Variants in WWOX observed in about 807,000 individuals in gnomAD.
WWOX encodes the protein WW domain containing oxidoreductase.
A neutral mutation model predicts 46.2 loss-of-function variants in WWOX; 69 were observed. The observed-to-expected ratio is 1.49, with a 90% CI of 1.23 to 1.82. The LOEUF is 1.82. Ranked by LOEUF, WWOX falls within the 40% of genes most tolerant of loss-of-function variation. WWOX has a pLI of 0.00. For missense variants in WWOX, 919 were observed against 542.6 expected, an observed-to-expected ratio of 1.69 and a Z score of -6.89; for synonymous variants, 359 against 202.6, an observed-to-expected ratio of 1.77 and a Z score of -6.56.
At chr16:79,135,999 G>A (rs944328704) in intron 8 of WWOX, among the ~76,000 whole-genome samples, 10 of 152,046 alleles carry the variant, frequency 6.6e-5, no homozygotes, top group South Asian at 2.1e-4. Flanking sequence ...AATGTTTGTC[G>A]TTTGTTTGCA....
intron 6 of WWOX, among the ~76,000 whole-genome samples, chr16:78,397,431 G>C (rs531965530): frequency 2.0e-5 from 3 of 152,280 alleles, no homozygotes; most frequent in African/African-American, 7.2e-5. Flanking sequence ...TAATGGTTCA[G>C]CCTGGTGCAA....
chr16:78,363,372 C>G (rs915977529), intron 5 of WWOX, among the ~76,000 whole-genome samples: 3 of 151,890 alleles, frequency 2.0e-5, no homozygotes, highest in Admixed American at 6.6e-5. Context: ...CTCCCAAGCT[C>G]CAGTGATTTT....
chr16:78,893,593 A>G (rs1052235338), intron 8 of WWOX, among the ~76,000 whole-genome samples: 1 of 151,874 alleles, frequency 6.6e-6, no homozygotes, highest in African/African-American at 2.4e-5. Context: ...TGCCATTTTA[A>G]TTTTTGCTTA....
intron 5 of WWOX, among the ~76,000 whole-genome samples, chr16:78,241,516 C>T (rs748379152): frequency 2.6e-5 from 4 of 152,098 alleles, no homozygotes; most frequent in Non-Finnish European, 5.9e-5. Flanking sequence ...GCAGACTCTT[C>T]CTCTTGAAGC....
At chr16:78,639,894 G>C (rs2046661828) in intron 8 of WWOX, among the ~76,000 whole-genome samples, 1 of 152,062 alleles carries the variant, frequency 6.6e-6, no homozygotes, top group South Asian at 2.1e-4. Context: ...AGGATGAAGA[G>C]TAATAGGAAG....
chr16:79,167,764 A>G (rs905301410), intron 8 of WWOX, among the ~76,000 whole-genome samples: 1 of 152,210 alleles, frequency 6.6e-6, no homozygotes, highest in African/African-American at 2.4e-5. Context: ...TTCACGTAAT[A>G]TACAGTTAAC....
intron 8 of WWOX, among the ~76,000 whole-genome samples, chr16:79,039,331 C>G (rs1345411053): frequency 6.6e-6 from 1 of 152,066 alleles, no homozygotes; most frequent in East Asian, 1.9e-4. Context: ...GCCAAGTCAC[C>G]TCATCTGTAA....
chr16:78,854,455 C>G (rs1026276072), intron 8 of WWOX, among the ~76,000 whole-genome samples: 1 of 152,214 alleles, frequency 6.6e-6, no homozygotes, highest in African/African-American at 2.4e-5. Context: ...ACATCAATAG[C>G]TTTCTAAAAT....
intron 8 of WWOX, among the ~76,000 whole-genome samples, chr16:79,158,301 A>G (rs1414328126): frequency 6.6e-6 from 1 of 152,252 alleles, no homozygotes; most frequent in Non-Finnish European, 1.5e-5. Context: ...AAAGACAGAG[A>G]AACAAGACTA....
intron 4 of WWOX, among the ~76,000 whole-genome samples, chr16:78,139,447 C>G (rs866973761): frequency 1.2e-4 from 18 of 152,274 alleles, no homozygotes; most frequent in Middle Eastern, 3.4e-3. Context: ...GGTTCAAGAC[C>G]AGCCTGGCCA....
intron 8 of WWOX, among the ~76,000 whole-genome samples, chr16:78,870,423 A>G (rs971809392): frequency 6.6e-5 from 10 of 152,082 alleles, no homozygotes; most frequent in African/African-American, 2.2e-4. Flanking sequence ...CCAAGCTTGA[A>G]TGACCTGCCA....
At chr16:78,750,480 A>G (rs1254263926) in intron 8 of WWOX, among the ~76,000 whole-genome samples, 1 of 152,122 alleles carries the variant, frequency 6.6e-6, no homozygotes, top group Admixed American at 6.5e-5. Flanking sequence ...GATTTATTTT[A>G]TTTTATTTTT....
chr16:79,012,496 A>C (rs1286252766), intron 8 of WWOX, among the ~76,000 whole-genome samples: 3 of 152,222 alleles, frequency 2.0e-5, no homozygotes, highest in South Asian at 2.1e-4. Context: ...TAGCCTCCTA[A>C]AGTACTGGGA....
At chr16:78,419,421 A>T (rs1198273879) in intron 6 of WWOX, among the ~76,000 whole-genome samples, 1 of 152,098 alleles carries the variant, frequency 6.6e-6, no homozygotes, top group African/African-American at 2.4e-5. Context: ...ACAGTGTCAT[A>T]TTGGCATAAG....
intron 5 of WWOX, among the ~76,000 whole-genome samples, chr16:78,381,697 G>C (rs1367013970): frequency 6.6e-6 from 1 of 152,214 alleles, no homozygotes; most frequent in African/African-American, 2.4e-5. Context: ...AGCATTTCAA[G>C]ATTCAGTGAT....
chr16:78,759,828 T>G (rs950326478), intron 8 of WWOX, among the ~76,000 whole-genome samples: 9 of 152,144 alleles, frequency 5.9e-5, no homozygotes, highest in African/African-American at 1.9e-4. Flanking sequence ...AAAATCAAAA[T>G]GTTGGCAGGC....
intron 5 of WWOX, among the ~76,000 whole-genome samples, chr16:78,230,223 T>C (rs182176183): frequency 6.6e-6 from 1 of 152,262 alleles, no homozygotes; most frequent in African/African-American, 2.4e-5. Context: ...TAATACGCAG[T>C]GCCAGGGAAG....
intron 8 of WWOX, among the ~76,000 whole-genome samples, chr16:78,537,430 A>T (rs1437189085): frequency 6.6e-6 from 1 of 152,234 alleles, no homozygotes; most frequent in Non-Finnish European, 1.5e-5. Context: ...CTGACTATAG[A>T]TGTTGAGCCC....
At chr16:78,571,321 G>T (rs1327812723) in intron 8 of WWOX, among the ~76,000 whole-genome samples, 2 of 152,170 alleles carry the variant, frequency 1.3e-5, no homozygotes, top group Non-Finnish European at 2.9e-5. Context: ...ACACTTGGGA[G>T]CCAAAATTCA....
Sources: gnomAD v4.1 joint callset for allele counts (sites outside exome capture counted in the v4.1 genomes callset) on GRCh38, gnomAD v4.1.1 for gene constraint, MANE v1.5 for transcripts, NCBI Gene and HGNC (gene_info 2026-07-23, HGNC 2026-07-21) for gene names.